SLC39A10: variants seen among roughly 807,000 people sequenced by gnomAD.
SLC39A10 encodes the protein zinc transporter ZIP10.
SLC39A10 carries 13 observed loss-of-function variants against 65.1 expected under a neutral mutation model. That is an observed-to-expected ratio of 0.20 (90% CI 0.13 to 0.32). The LOEUF is 0.32. Ranked by LOEUF, SLC39A10 falls within the 10% of genes least tolerant of loss-of-function variation. SLC39A10 has a pLI of 1.00. For synonymous variants in SLC39A10, 321 were observed against 342.2 expected (o/e 0.94, Z 0.68); for missense variants, 831 against 1,018.4 (o/e 0.82, Z 2.50).
intron 9 of SLC39A10, among the ~76,000 whole-genome samples, chr2:195,730,464 C>T (rs1208347655): frequency 2.0e-5 from 3 of 152,146 alleles, no homozygotes; most frequent in South Asian, 2.1e-4. Context: ...CAAGTAGCTG[C>T]GATGACAGGC....
intron 2 of SLC39A10, 120 bp downstream of exon 2, chr2:195,681,170 T>A: frequency 3.1e-6 from 3 of 968,294 alleles, no homozygotes; most frequent in South Asian, 3.5e-5. Flanking sequence ...TCCATATGTT[T>A]ACCTATGAAA....
intron 3 of SLC39A10, among the ~76,000 whole-genome samples, chr2:195,696,394 T>C (rs1206117125): frequency 6.6e-6 from 1 of 151,882 alleles, no homozygotes; most frequent in Non-Finnish European, 1.5e-5. Context: ...TTGGGCAGCA[T>C]TGACATCTTA....
At chr2:195,695,976 A>G (rs1432952781) in intron 3 of SLC39A10, among the ~76,000 whole-genome samples, 2 of 152,206 alleles carry the variant, frequency 1.3e-5, no homozygotes, top group Non-Finnish European at 2.9e-5. Context: ...AGTGCTAAAT[A>G]AGAGTCCAAC....
rs191529853 is a variant in SLC39A10 at position 195,673,401 on chromosome 2, G to A, written c.-11-6631G>A. Among the ~76,000 whole-genome samples, 96 of 152,212 alleles carry A rather than the reference G, an allele frequency of 6.3e-4. 1 individual carries two copies. The East Asian group carries it at 0.018, about 28-fold the overall frequency. On this transcript the variant is annotated intron_variant, in intron 1 of 9. Coordinates refer to ENST00000359634, the MANE Select transcript of SLC39A10 (RefSeq NM_020342.3). ...GGTCTTGAACTTGCGCTCAAGATCC[G>A]CCAACCTCTGCCTCCCAAAGTGTTG...
At chr2:195,648,269 A>T (rs1484687397) in intron 2 of SLC39A10, among the ~76,000 whole-genome samples, 1 of 152,028 alleles carries the variant, frequency 6.6e-6, no homozygotes, top group Non-Finnish European at 1.5e-5. Flanking sequence ...CTATGCTGGA[A>T]TTATAGGTGA....
At chr2:195,719,238 G>T (rs1264201280) in intron 8 of SLC39A10, among the ~76,000 whole-genome samples, 2 of 150,102 alleles carry the variant, frequency 1.3e-5, no homozygotes, top group East Asian at 2.0e-4. Flanking sequence ...CTTCCTCCTC[G>T]CTTTGATTCG....
chr2:195,733,730 A>C (rs772896173), intron 9 of SLC39A10, among the ~76,000 whole-genome samples: 1 of 151,976 alleles, frequency 6.6e-6, no homozygotes, highest in African/African-American at 2.4e-5. Flanking sequence ...GAGTTACTCT[A>C]TGTTGTTCAG....
chr2:195,722,903 C>T (rs1288031321), intron 8 of SLC39A10, among the ~76,000 whole-genome samples: 2 of 152,174 alleles, frequency 1.3e-5, no homozygotes, highest in South Asian at 4.1e-4. Context: ...GTTGGTAATT[C>T]CAAGTTCTAG....
chr2:195,618,817 G>T (rs1688283713), intron 2 of SLC39A10, among the ~76,000 whole-genome samples: 1 of 152,148 alleles, frequency 6.6e-6, no homozygotes, highest in Non-Finnish European at 1.5e-5. Flanking sequence ...AAGAGGTCAG[G>T]TGCGGTGGCT....
intron 3 of SLC39A10, among the ~76,000 whole-genome samples, chr2:195,705,392 G>A (rs916316188): frequency 2.6e-5 from 4 of 152,098 alleles, no homozygotes; most frequent in African/African-American, 7.2e-5. Context: ...GTTTTAATTC[G>A]GTGAGATAAT....
intron 8 of SLC39A10, among the ~76,000 whole-genome samples, chr2:195,726,506 A>G (rs1692245095): frequency 6.6e-6 from 1 of 152,138 alleles, no homozygotes; most frequent in Admixed American, 6.6e-5. Context: ...ATAAAAGCTG[A>G]TATTAAATCC....
At chr2:195,646,094 C>T (rs1435509612) in intron 2 of SLC39A10, among the ~76,000 whole-genome samples, 1 of 152,062 alleles carries the variant, frequency 6.6e-6, no homozygotes, top group Non-Finnish European at 1.5e-5. Flanking sequence ...TACAAGCGTG[C>T]ACCACCATGC....
rs141048545 is a variant in SLC39A10, at chr2:195,628,507, G to C, written c.-12+22274G>C. ...TAGTATATATTATATGCCGGGCACTGTGCTAGGCACTGGGATACAGATGGA... is the reference window on the plus strand; with the variant it reads ...TAGTATATATTATATGCCGGGCACTCTGCTAGGCACTGGGATACAGATGGA... On this transcript the variant is annotated intron_variant, in intron 2 of 2. Transcript: ENST00000458054. Among the ~76,000 whole-genome samples the C allele has an allele frequency of 1.2e-4, 18 of 152,308 alleles. No individual in the cohort carries two copies. In the East Asian group the frequency reaches 3.5e-3, roughly 29 times the overall value.
At chr2:195,657,706 G>A in intron 1 of SLC39A10, 1 of 885,124 alleles carries the variant, frequency 1.1e-6, no homozygotes, top group Non-Finnish European at 1.4e-6. Flanking sequence ...GGATGGCGTC[G>A]CAGGCGCGGG....
chr2:195,649,073 A>G (rs1202850954), intron 2 of SLC39A10, among the ~76,000 whole-genome samples: 1 of 152,222 alleles, frequency 6.6e-6, no homozygotes, highest in Non-Finnish European at 1.5e-5. Context: ...ACCACCGGGC[A>G]CTGCCAGAAG....
At chr2:195,703,229 T>C (rs1232728680) in intron 3 of SLC39A10, among the ~76,000 whole-genome samples, 1 of 152,230 alleles carries the variant, frequency 6.6e-6, no homozygotes, top group Non-Finnish European at 1.5e-5. Flanking sequence ...ATAGCTAGTA[T>C]GTGGCCAGTT....
At chr2:195,694,492 C>G (rs1370305731) in intron 3 of SLC39A10, among the ~76,000 whole-genome samples, 1 of 152,126 alleles carries the variant, frequency 6.6e-6, no homozygotes, top group East Asian at 1.9e-4. Context: ...TAGGGGAGAC[C>G]TGAGCTACAG....
rs771932591 is a variant in SLC39A10 at position 195,706,719 on chromosome 2, T to G, written c.1320T>G (p.Leu440=). 3 of 1,607,046 alleles carry G rather than the reference T, an allele frequency of 1.9e-6. No homozygotes were observed. In the South Asian group the frequency reaches 3.3e-5, roughly 18 times the overall value. Reference sequence around the variant, plus strand: ...ACCAAGGATGCTTCAAATTCCTTCTTACATTCCTTGTTGCATTAGCTGTAG... The same window carrying G: ...ACCAAGGATGCTTCAAATTCCTTCTGACATTCCTTGTTGCATTAGCTGTAG... ...IINQGCFKFL[L]TFLVALAVGT... The change falls in exon 4 of 10, where the codon CTT becomes CTG. Residue 440 remains leucine (L), a synonymous_variant. Transcript: ENST00000359634.
At chr2:195,707,215 T>A (rs970110079) in intron 4 of SLC39A10, among the ~76,000 whole-genome samples, 1 of 152,160 alleles carries the variant, frequency 6.6e-6, no homozygotes, top group Non-Finnish European at 1.5e-5. Flanking sequence ...ATGGGGGCAT[T>A]TATCTTTTCA....
Sources: gnomAD v4.1 joint callset for allele counts (sites outside exome capture counted in the v4.1 genomes callset) on GRCh38, gnomAD v4.1.1 for gene constraint, MANE v1.5 for transcripts, NCBI Gene and HGNC (gene_info 2026-07-23, HGNC 2026-07-21) for gene names.